The following RDH11 variants were observed in gnomAD, a reference collection of about 807,000 sequenced individuals.
RDH11 encodes the protein retinol dehydrogenase 11, also known as HCV core-binding protein HCBP12.
Under a neutral mutation model 33.4 loss-of-function variants are expected in RDH11, and 19 were observed. That is an observed-to-expected ratio of 0.57 (90% CI 0.40 to 0.83). RDH11 has a LOEUF of 0.83. Ranked by LOEUF, RDH11 falls within the 40% of genes least tolerant of loss-of-function variation. The probability of loss-of-function intolerance (pLI) is 0.00; values close to 1 mark genes in which losing one functional copy is unlikely to be tolerated. For missense variants in RDH11, 353 were observed against 389.0 expected, an observed-to-expected ratio of 0.91 and a Z score of 0.78; for synonymous variants, 154 against 155.3, an observed-to-expected ratio of 0.99 and a Z score of 0.06.
chr14:67,690,925 C>A, intron 4 of RDH11: 1 of 557,190 alleles, frequency 1.8e-6, no homozygotes, highest in Non-Finnish European at 3.2e-6. Context: ...TGCGCCAAGG[C>A]AAACCAAATC....
At chr14:67,682,639 T>C (rs78495362) in intron 6 of RDH11, among the ~76,000 whole-genome samples, 6,082 of 152,284 alleles carry the variant, frequency 0.04, 357 homozygotes, top group African/African-American at 0.13. Flanking sequence ...AGAATACTCA[T>C]AGACTGCTGG....
chr14:67,694,505 T>C (rs138246212), intron 1 of RDH11, among the ~76,000 whole-genome samples: 1,474 of 146,592 alleles, frequency 0.01, 13 homozygotes, highest in Non-Finnish European at 0.015. Context: ...TATATATATA[T>C]ACACACATAT....
intron 5 of RDH11, among the ~76,000 whole-genome samples, chr14:67,688,926 G>GTTGTTGTT (rs2037714621): frequency 1.3e-5 from 2 of 152,146 alleles, no homozygotes; most frequent in African/African-American, 4.8e-5. Flanking sequence ...AACAACATGG[G>GTTGTTGTT]CACTGAATAC....
At chr14:67,687,238 AAAGGCTTT>A (rs2037689092) in intron 5 of RDH11, among the ~76,000 whole-genome samples, 1 of 152,144 alleles carries the variant, frequency 6.6e-6, no homozygotes, top group Non-Finnish European at 1.5e-5. Flanking sequence ...CCCATTTTGA[AAAGGCTTT>A]AATTTTAACC....
rs757100842 is a variant in RDH11 at position 67,692,520 on chromosome 14, T to A, written c.267A>T (p.Thr89=). The A allele has an allele frequency of 3.8e-5, 61 of 1,613,426 alleles. No homozygotes were observed. In the Admixed American group the frequency reaches 1.0e-3, roughly 27 times the overall value. ...TCCGCACCAACACCTGCTGGTTCCC[T>A]GTCGTGGTCTGGATCTCTTTGGCCA... ...ELVAKEIQTT[T]GNQQVLVRKL... is the part of the protein sequence containing the mutation. Residue 89 remains threonine (T), a synonymous_variant, in exon 3 of 7, where the codon ACA becomes ACT. Transcript: ENST00000381346.
chr14:67,691,160 T>A lies in RDH11; in HGVS notation c.434A>T (p.His145Leu). 6.2e-7 allele frequency: 1 copy of A among 1,613,570 alleles called. No individual in the cohort carries two copies. The highest frequency in any genetic ancestry group is 8.5e-7 in the Non-Finnish European group (1 of 1,179,458). The change falls in exon 4 of 7, where the codon CAC becomes CTC. Residue 145 changes from histidine to leucine, a missense_variant. Physicochemically the swap from His to Leu is moderately conservative, Grantham distance 99. Coordinates refer to ENST00000381346, the MANE Select transcript of RDH11 (RefSeq NM_016026.4). ...CTTACCCAAGTGGTTGACTCCTATG[T>A]GCATCTCAAAGCCATCTGCTGTCTT... ...YSKTADGFEM[H>L]IGVNHLGHFL...
At chr14:67,689,671 C>T (rs529954878) in intron 5 of RDH11, among the ~76,000 whole-genome samples, 62 of 152,246 alleles carry the variant, frequency 4.1e-4, no homozygotes, top group South Asian at 8.3e-4. Context: ...TGGCCAGGTG[C>T]GGTGGCTCAC....
chr14:67,687,414 AC>A (rs151206507), intron 5 of RDH11, among the ~76,000 whole-genome samples: 33,282 of 148,862 alleles, frequency 0.22, 4,546 homozygotes, highest in Non-Finnish European at 0.3. Context: ...CTGAGCCCGG[AC>A]CTTTGTACAT....
At chr14:67,678,921 G>A (rs573463514) in intron 6 of RDH11, among the ~76,000 whole-genome samples, 3 of 152,106 alleles carry the variant, frequency 2.0e-5, no homozygotes, top group South Asian at 2.1e-4. Flanking sequence ...AGCCAGCTTC[G>A]AAAACAACAA....
chr14:67,691,557 A>C, intron 3 of RDH11: 1 of 237,830 alleles, frequency 4.2e-6, no homozygotes, highest in East Asian at 9.5e-5. Context: ...TCCCAAGCTG[A>C]ATGGAAAGAT....
chr14:67,692,523 C>T lies in RDH11; in HGVS notation c.264G>A (p.Thr88=), dbSNP rs369280467. 98 of 1,613,474 alleles carry T rather than the reference C, an allele frequency of 6.1e-5. 1 individual carries two copies. In the African/African-American group the frequency reaches 1.0e-3, roughly 17 times the overall value. ...GELVAKEIQT[T]TGNQQVLVRK... ...GCACCAACACCTGCTGGTTCCCTGT[C>T]GTGGTCTGGATCTCTTTGGCCACCA... The change falls in exon 3 of 7, where the codon ACG becomes ACA. Residue 88 remains threonine, a synonymous_variant. Coordinates refer to ENST00000381346, the MANE Select transcript of RDH11 (RefSeq NM_016026.4).
Position 67,690,269 on chromosome 14 carries a change from A to G in RDH11, c.607T>C (p.Cys203Arg). The G allele has an allele frequency of 6.2e-7, 1 of 1,614,134 alleles. No individual in the cohort carries two copies. The highest frequency in any genetic ancestry group is 8.5e-7 in the Non-Finnish European group (1 of 1,180,024). The change falls in exon 5 of 7, where the codon TGT (cysteine) becomes CGT (arginine). Residue 203 changes from cysteine to arginine, a missense_variant. Transcript: ENST00000381346. ...EKFYNAGLAY[C>R]HSKLANILFT... ...AGGATGTTGGCTAGCTTGCTGTGAC[A>G]GTAGGCCAGGCCTGCATTGTAGAAT...
rs745661753 is a variant in RDH11, at chr14:67,678,320, G to A, written c.*1C>T. Reference sequence around the variant, plus strand: ...CTCTTGGGTCCAACTGGCACTGCCTGTTAGTCTATTGGGAGGCCCAGCAGG... The same window carrying A: ...CTCTTGGGTCCAACTGGCACTGCCTATTAGTCTATTGGGAGGCCCAGCAGG... On this transcript the variant is annotated 3_prime_UTR_variant, in exon 7 of 7. Coordinates refer to ENST00000381346, the MANE Select transcript of RDH11 (RefSeq NM_016026.4). The A allele has an allele frequency of 6.3e-7, 1 of 1,599,700 alleles. No homozygotes were observed. Among genetic ancestry groups the A allele is most frequent in the African/African-American group, 1.3e-5 (1 of 74,790 alleles).
At chr14:67,690,830 C>G (rs980092970) in intron 4 of RDH11, 12 of 382,446 alleles carry the variant, frequency 3.1e-5, no homozygotes, top group East Asian at 2.1e-4. Context: ...AAAAAAAGAG[C>G]AGATGACCTA....
intron 6 of RDH11, among the ~76,000 whole-genome samples, chr14:67,681,429 G>A (rs920253234): frequency 1.3e-5 from 2 of 152,220 alleles, no homozygotes; most frequent in African/African-American, 4.8e-5. Context: ...ATGGTGCTAA[G>A]GCACTGGATA....
intron 1 of RDH11, among the ~76,000 whole-genome samples, chr14:67,695,142 G>C (rs2037813639): frequency 6.6e-6 from 1 of 152,158 alleles, no homozygotes; most frequent in Non-Finnish European, 1.5e-5. Context: ...TCCGCCCACA[G>C]AACAAGCGAT....
At chr14:67,680,476 G>GT (rs1238445037) in intron 6 of RDH11, among the ~76,000 whole-genome samples, 6 of 152,020 alleles carry the variant, frequency 3.9e-5, no homozygotes, top group East Asian at 3.9e-4. Context: ...CTTTCTGGTT[G>GT]TTTTTTTTAG....
intron 6 of RDH11, among the ~76,000 whole-genome samples, chr14:67,682,847 A>G (rs1162123950): frequency 6.6e-6 from 1 of 152,268 alleles, no homozygotes; most frequent in Admixed American, 6.5e-5. Context: ...TCACCTGATG[A>G]ATGAATAAAT....
chr14:67,685,128 T>C lies in RDH11; in HGVS notation c.741A>G (p.Arg247=), dbSNP rs1044704561. 1 of 1,613,930 alleles carries C rather than the reference T, an allele frequency of 6.2e-7. No individual in the cohort carries two copies. The highest frequency in any genetic ancestry group is 1.3e-5 in the African/African-American group (1 of 74,866). ...SELVRHSSFM[R]WMWWLFSFFI... ...AAAAGGAGAAAAGCCACCACATCCA[T>C]CTCATGAAAGATGAGTGCCGAACCA... The change falls in exon 6 of 7, where the codon AGA becomes AGG. Residue 247 remains arginine (R), a synonymous_variant. Coordinates refer to ENST00000381346, the MANE Select transcript of RDH11 (RefSeq NM_016026.4).
Sources: allele counts gnomAD v4.1 joint callset (sites outside exome capture counted in the v4.1 genomes callset), GRCh38; gene constraint gnomAD v4.1.1; transcripts MANE v1.5; gene names NCBI Gene and HGNC (gene_info 2026-07-23, HGNC 2026-07-21).